The following SYNE2 variants were observed in gnomAD, a reference collection of about 807,000 sequenced individuals.
SYNE2 encodes the protein nesprin-2.
SYNE2 carries 431 observed loss-of-function variants against 856.3 expected under a neutral mutation model. That is an observed-to-expected ratio of 0.50 (90% CI 0.47 to 0.55). The LOEUF is 0.55. SYNE2 is among the 20% of genes least tolerant of loss of function. The pLI is 0.00. For synonymous variants in SYNE2, 2,923 were observed against 2,872.3 expected, an observed-to-expected ratio of 1.02 and a Z score of -0.56; for missense variants, 8,129 against 8,023.2, an observed-to-expected ratio of 1.01 and a Z score of -0.50.
At chr14:64,003,911 T>G (rs2153506917) in intron 30 of SYNE2, among the ~76,000 whole-genome samples, 1 of 152,330 alleles carries the variant, frequency 6.6e-6, no homozygotes, top group South Asian at 2.1e-4. Flanking sequence ...TGCTGCCATT[T>G]TAATTCCAGC....
chr14:64,078,685 G>A (rs2097491423), intron 55 of SYNE2, 79 bp downstream of exon 55: 3 of 1,545,134 alleles, frequency 1.9e-6, no homozygotes, highest in East Asian at 4.5e-5. Flanking sequence ...ACCACAGGGT[G>A]AGTTCTTTGA....
chr14:63,842,159 T>G (rs1890088646), intron 1 of SYNE2, among the ~76,000 whole-genome samples: 1 of 151,050 alleles, frequency 6.6e-6, no homozygotes, highest in African/African-American at 2.4e-5. Context: ...TCTTCTTCTT[T>G]TTGTTTGTTT....
chr14:64,150,156 C>T (rs961594911), intron 84 of SYNE2, among the ~76,000 whole-genome samples: 1 of 150,274 alleles, frequency 6.7e-6, no homozygotes, highest in Admixed American at 6.6e-5. Flanking sequence ...ATTAGCTGGG[C>T]ATGGTGGCAC....
chr14:64,081,564 A>G lies in SYNE2; in HGVS notation c.11468A>G (p.His3823Arg), dbSNP rs745526712. 4 of 1,613,982 alleles carry G rather than the reference A, an allele frequency of 2.5e-6. No homozygotes were observed. The highest frequency in any genetic ancestry group is 3.4e-6 in the Non-Finnish European group (4 of 1,180,004). ...GACTCTTTGAGGACACTGAGTCACC[A>G]TGCTAGCACTGTGCAGGTAAGTGTT... ...DYDSLRTLSH[H>R]ASTVQMALED... The change falls in exon 57 of 116, where the codon CAT (histidine) becomes CGT (arginine). Residue 3823 changes from histidine (H) to arginine (R), a missense_variant. By Grantham distance (29) the His-to-Arg change is conservative. Transcript: ENST00000555002.
chr14:64,043,929 C>T (rs987513971), intron 45 of SYNE2, among the ~76,000 whole-genome samples: 47 of 152,206 alleles, frequency 3.1e-4, no homozygotes, highest in African/African-American at 1.1e-3. Flanking sequence ...ACAGTCACAG[C>T]TCACTGTAGC....
intron 30 of SYNE2, 43 bp from the exon 31 acceptor site, chr14:64,006,998 TGG>T (rs2096801397): frequency 6.8e-7 from 1 of 1,481,438 alleles, no homozygotes; most frequent in African/African-American, 1.4e-5. Context: ...GTTGAATCAA[TGG>T]TTAACAGTTG....
At chr14:64,162,669 C>CT in intron 88 of SYNE2, 1 of 312,048 alleles carries the variant, frequency 3.2e-6, no homozygotes, top group South Asian at 3.0e-5. Flanking sequence ...GTTGCTAGGC[C>CT]TTTTCTGTGG....
chr14:63,936,532 T>C (rs2095835925), intron 2 of SYNE2, among the ~76,000 whole-genome samples: 1 of 152,060 alleles, frequency 6.6e-6, no homozygotes, highest in African/African-American at 2.4e-5. Context: ...AGAAAGAACA[T>C]TCCTAGAAGA....
intron 2 of SYNE2, among the ~76,000 whole-genome samples, chr14:63,925,446 A>G (rs1202597533): frequency 6.6e-6 from 1 of 152,212 alleles, no homozygotes; most frequent in African/African-American, 2.4e-5. Context: ...TAGACATGCA[A>G]TGCATAATAA....
At chr14:63,925,804 A>T (rs918870819) in intron 2 of SYNE2, among the ~76,000 whole-genome samples, 1 of 151,990 alleles carries the variant, frequency 6.6e-6, no homozygotes, top group African/African-American at 2.4e-5. Flanking sequence ...TAACGTAATT[A>T]CCTTCAGTTC....
chr14:64,051,442 C>A, intron 47 of SYNE2, 115 bp from the exon 48 acceptor site: 1 of 1,004,650 alleles, frequency 1.0e-6, no homozygotes, highest in Non-Finnish European at 1.4e-6. Flanking sequence ...TACAGACAGC[C>A]TAATTTTTTC....
At chr14:63,940,749 G>C in intron 3 of SYNE2, 74 bp downstream of exon 3, 1 of 1,392,936 alleles carries the variant, frequency 7.2e-7, no homozygotes, top group Non-Finnish European at 1.0e-6. Context: ...TTGACCCCAA[G>C]GAGGCCATTA....
At chr14:63,846,050 T>G (rs1890219465) in intron 1 of SYNE2, among the ~76,000 whole-genome samples, 1 of 151,112 alleles carries the variant, frequency 6.6e-6, no homozygotes, top group Non-Finnish European at 1.5e-5. Context: ...GCCCTTTTTT[T>G]TTTTTTTTTT....
chr14:63,928,730 T>A (rs1421838509), intron 2 of SYNE2, among the ~76,000 whole-genome samples: 1 of 152,214 alleles, frequency 6.6e-6, no homozygotes, highest in African/African-American at 2.4e-5. Context: ...TTTATATTTT[T>A]AGTTCTCTTT....
Position 64,078,471 on chromosome 14 carries a change from C to T in SYNE2, c.11028C>T (p.Ser3676=). 6.2e-7 allele frequency: 1 copy of T among 1,613,726 alleles called. No individual in the cohort carries two copies. The change falls in exon 55 of 116, where the codon AGC becomes AGT. Residue 3676 remains serine (S), a synonymous_variant. Coordinates refer to ENST00000555002, the MANE Select transcript of SYNE2 (RefSeq NM_182914.3). ...CGTCTTTGTCTCTTTCACAGATTAG[C>T]AATGAAGTCTTAAAAAGCTCACCAT... ...KALEDIDEKI[S]NEVLKSSPSY...
At chr14:63,782,769 C>T (rs1365675930) in intron 1 of SYNE2, among the ~76,000 whole-genome samples, 1 of 151,784 alleles carries the variant, frequency 6.6e-6, no homozygotes, top group Non-Finnish European at 1.5e-5. Context: ...GTGGGTAAAA[C>T]ATGACAGAAT....
At chr14:63,995,567 A>G (rs931718416) in intron 23 of SYNE2, among the ~76,000 whole-genome samples, 1 of 152,138 alleles carries the variant, frequency 6.6e-6, no homozygotes, top group Non-Finnish European at 1.5e-5. Context: ...TCAGGGTACA[A>G]AGCAGCTGGG....
chr14:64,047,189 G>T (rs1455383769), intron 45 of SYNE2, among the ~76,000 whole-genome samples: 1 of 152,214 alleles, frequency 6.6e-6, no homozygotes, highest in Non-Finnish European at 1.5e-5. Context: ...GAGGGAAGCT[G>T]GAGGGGGGAT....
intron 8 of SYNE2, chr14:63,960,732 T>C (rs1402081138): frequency 3.9e-6 from 3 of 763,800 alleles, no homozygotes; most frequent in Non-Finnish European, 4.8e-6. Context: ...CCTTCACTTA[T>C]TAGATGCCTG....
Sources: allele counts gnomAD v4.1 joint callset (sites outside exome capture counted in the v4.1 genomes callset), GRCh38; gene constraint gnomAD v4.1.1; transcripts MANE v1.5; gene names NCBI Gene and HGNC (gene_info 2026-07-23, HGNC 2026-07-21).